Variants in MAPK4 observed in about 807,000 individuals in gnomAD.
MAPK4 encodes mitogen-activated protein kinase 4.
MAPK4 carries 22 observed loss-of-function variants against 47.7 expected under a neutral mutation model. The observed-to-expected ratio is 0.46, with a 90% CI of 0.33 to 0.66. The LOEUF (loss-of-function observed/expected upper bound fraction) is 0.66. Ranked by LOEUF, MAPK4 falls within the 30% of genes least tolerant of loss-of-function variation. The pLI is 0.02. For synonymous variants in MAPK4, 390 were observed against 365.7 expected, an observed-to-expected ratio of 1.07 and a Z score of -0.76; for missense variants, 736 against 831.7, an observed-to-expected ratio of 0.88 and a Z score of 1.42.
At chr18:50,674,697 C>T (rs1908160258) in intron 2 of MAPK4, among the ~76,000 whole-genome samples, 1 of 152,224 alleles carries the variant, frequency 6.6e-6, no homozygotes, top group Non-Finnish European at 1.5e-5. Context: ...ACACCTTCCT[C>T]TGGCTGTGCA....
At chr18:50,653,109 A>G (rs2043067937) in intron 1 of MAPK4, among the ~76,000 whole-genome samples, 1 of 152,096 alleles carries the variant, frequency 6.6e-6, no homozygotes, top group African/African-American at 2.4e-5. Context: ...GGATCTCTTA[A>G]GCCCACGAGT....
intron 1 of MAPK4, among the ~76,000 whole-genome samples, chr18:50,609,642 T>A (rs1343911847): frequency 6.6e-6 from 1 of 152,140 alleles, no homozygotes; most frequent in African/African-American, 2.4e-5. Flanking sequence ...AGTGCTTGAT[T>A]GTATTAATGT....
chr18:50,638,533 T>A, intron 1 of MAPK4, among the ~76,000 whole-genome samples: 1 of 152,182 alleles, frequency 6.6e-6, no homozygotes, highest in East Asian at 1.9e-4. Flanking sequence ...GGGTGTCACT[T>A]TCTCTTCTGG....
chr18:50,724,475 A>G (rs1400287786), intron 4 of MAPK4, among the ~76,000 whole-genome samples: 1 of 152,244 alleles, frequency 6.6e-6, no homozygotes, highest in Non-Finnish European at 1.5e-5. Flanking sequence ...CCAAAGAGAG[A>G]AAAACCTGCC....
intron 1 of MAPK4, among the ~76,000 whole-genome samples, chr18:50,658,738 A>G (rs2043137978): frequency 6.6e-6 from 1 of 152,228 alleles, no homozygotes; most frequent in Non-Finnish European, 1.5e-5. Flanking sequence ...TCAAATTTGC[A>G]TATGAGCTGA....
intron 2 of MAPK4, among the ~76,000 whole-genome samples, chr18:50,670,924 C>A (rs76655457): frequency 0.021 from 3,129 of 152,284 alleles, 107 homozygotes; most frequent in African/African-American, 0.063. Context: ...CACAAGCCTC[C>A]AAGGGATTCT....
intron 2 of MAPK4, among the ~76,000 whole-genome samples, chr18:50,710,418 G>A (rs1308386413): frequency 1.3e-5 from 2 of 152,094 alleles, no homozygotes; most frequent in African/African-American, 2.4e-5. Flanking sequence ...GGGAGGCGGA[G>A]GTTGCAGAGA....
intron 1 of MAPK4, among the ~76,000 whole-genome samples, chr18:50,617,812 T>C (rs901371126): frequency 6.6e-6 from 1 of 152,198 alleles, no homozygotes; most frequent in African/African-American, 2.4e-5. Context: ...TCCATCTCAT[T>C]TTCTATCTCT....
intron 2 of MAPK4, among the ~76,000 whole-genome samples, chr18:50,673,437 G>T (rs1035133301): frequency 6.6e-6 from 1 of 152,258 alleles, no homozygotes; most frequent in Non-Finnish European, 1.5e-5. Flanking sequence ...TCTGCAGCCC[G>T]CTAGGGACGC....
chr18:50,713,030 A>G (rs1910459215), intron 2 of MAPK4, among the ~76,000 whole-genome samples: 1 of 152,234 alleles, frequency 6.6e-6, no homozygotes, highest in African/African-American at 2.4e-5. Context: ...GAAGGAATTC[A>G]GACTCAAAAG....
At chr18:50,638,844 A>C (rs1404970519) in intron 1 of MAPK4, among the ~76,000 whole-genome samples, 1 of 152,128 alleles carries the variant, frequency 6.6e-6, no homozygotes, top group Non-Finnish European at 1.5e-5. Context: ...TCCAGCCTCT[A>C]TATTGCCCTG....
At chr18:50,666,216 C>T (rs763861680) in intron 2 of MAPK4, among the ~76,000 whole-genome samples, 22 of 152,146 alleles carry the variant, frequency 1.4e-4, no homozygotes, top group Non-Finnish European at 2.4e-4. Context: ...AACTGGCTAT[C>T]GCAATAATTC....
intron 1 of MAPK4, among the ~76,000 whole-genome samples, chr18:50,599,020 A>G (rs2042510627): frequency 6.6e-6 from 1 of 152,150 alleles, no homozygotes; most frequent in Non-Finnish European, 1.5e-5. Context: ...CTCTGAAGTT[A>G]TTATTTTTCT....
At chr18:50,607,567 C>T (rs1207701358) in intron 1 of MAPK4, among the ~76,000 whole-genome samples, 3 of 152,274 alleles carry the variant, frequency 2.0e-5, no homozygotes, top group East Asian at 3.9e-4. Flanking sequence ...CTGCTCTGAG[C>T]AGTGGAGGTG....
At chr18:50,632,510 T>G (rs1205306578) in intron 1 of MAPK4, among the ~76,000 whole-genome samples, 2 of 152,196 alleles carry the variant, frequency 1.3e-5, no homozygotes, top group African/African-American at 4.8e-5. Context: ...TCTTGCATTC[T>G]TTCATGTTCT....
At chr18:50,639,696 G>A (rs537666566) in intron 1 of MAPK4, among the ~76,000 whole-genome samples, 145 of 152,194 alleles carry the variant, frequency 9.5e-4, no homozygotes, top group Non-Finnish European at 1.8e-3. Context: ...CACGTTTTCC[G>A]ATGTCTTTAA....
At chr18:50,654,585 C>T (rs2043086817) in intron 1 of MAPK4, among the ~76,000 whole-genome samples, 1 of 152,228 alleles carries the variant, frequency 6.6e-6, no homozygotes, top group South Asian at 2.1e-4. Context: ...AGAGAAGTTT[C>T]CCCTTGAATC....
intron 2 of MAPK4, among the ~76,000 whole-genome samples, chr18:50,689,245 A>C (rs113819214): frequency 1.3e-5 from 2 of 149,042 alleles, no homozygotes; most frequent in African/African-American, 5.1e-5. Context: ...AAAATATAAA[A>C]AATTATCCCA....
Position 50,729,497 on chromosome 18 carries a change from G to C in MAPK4, c.1407G>C (p.Ala469=), listed in dbSNP as rs1281689400. 2 of 1,455,108 alleles carry C rather than the reference G, an allele frequency of 1.4e-6. No individual in the cohort carries two copies. Among genetic ancestry groups the C allele is most frequent in the Admixed American group, 2.6e-5 (1 of 38,692 alleles). 90.1% of individuals were successfully genotyped at this position (1,455,108 alleles called of 1,614,324 possible). Residue 469 remains alanine (A), a synonymous_variant, in exon 6 of 6, where the codon GCG becomes GCC. Coordinates refer to ENST00000400384, the MANE Select transcript of MAPK4 (RefSeq NM_002747.4). ...CGCACTGGAAGCAGGCGGCCGGCGC[G>C]CCCCCCACGGCCACGGGGCTGGCGG... ...DLSHWKQAAG[A]PPTATGLADT...
Sources: gnomAD v4.1 joint callset for allele counts (sites outside exome capture counted in the v4.1 genomes callset) on GRCh38, gnomAD v4.1.1 for gene constraint, MANE v1.5 for transcripts, NCBI Gene and HGNC (gene_info 2026-07-23, HGNC 2026-07-21) for gene names.